PITPNB: variants seen among roughly 807,000 people sequenced by gnomAD.
PITPNB encodes phosphatidylinositol transfer protein beta.
PITPNB carries 16 observed loss-of-function variants against 45.9 expected under a neutral mutation model. The ratio of observed to expected loss-of-function variants is 0.35; its 90% CI spans 0.24 to 0.53. The LOEUF is 0.53. PITPNB is among the 20% of genes least tolerant of loss of function. The pLI is 0.93. For missense variants in PITPNB, 188 were observed against 330.5 expected (o/e 0.57, Z 3.34); for synonymous variants, 112 against 108.9 (o/e 1.03, Z -0.18).
chr22:27,861,022 T>TG (rs1934312839), intron 8 of PITPNB, among the ~76,000 whole-genome samples: 3 of 96,238 alleles, frequency 3.1e-5, no homozygotes, highest in Admixed American at 1.2e-4. Context: ...ACCCCATTTC[T>TG]GGAAAAAAAA....
intron 3 of PITPNB, among the ~76,000 whole-genome samples, chr22:27,907,900 T>C (rs992091382): frequency 3.3e-5 from 5 of 151,868 alleles, no homozygotes; most frequent in African/African-American, 7.3e-5. Context: ...AATGAGTGCA[T>C]GAGAGGGTAA....
At chr22:27,871,998 A>G (rs1026587338) in intron 8 of PITPNB, among the ~76,000 whole-genome samples, 1 of 150,504 alleles carries the variant, frequency 6.6e-6, no homozygotes, top group African/African-American at 2.4e-5. Flanking sequence ...CCATGACTGT[A>G]AGCTTTCTGA....
At chr22:27,879,639 T>G (rs377470820) in intron 7 of PITPNB, among the ~76,000 whole-genome samples, 9 of 152,248 alleles carry the variant, frequency 5.9e-5, no homozygotes, top group African/African-American at 2.2e-4. Context: ...GAAATGAGTT[T>G]TAACAAGTTA....
intron 10 of PITPNB, among the ~76,000 whole-genome samples, chr22:27,856,863 AG>A (rs1474120899): frequency 6.6e-6 from 1 of 152,190 alleles, no homozygotes. Context: ...AAACCAGACA[AG>A]GCAAATGGGA....
At chr22:27,859,836 T>A (rs925500941) in intron 9 of PITPNB, among the ~76,000 whole-genome samples, 1 of 152,180 alleles carries the variant, frequency 6.6e-6, no homozygotes, top group African/African-American at 2.4e-5. Context: ...CAGGTCCTCT[T>A]GGGGACGTGC....
At chr22:27,894,216 T>TA (rs1302468056) in intron 7 of PITPNB, 2 of 177,788 alleles carry the variant, frequency 1.1e-5, no homozygotes, top group African/African-American at 4.7e-5. Context: ...ATTTGAAAAG[T>TA]AAAAGGGACC....
intron 3 of PITPNB, 24 bp from the exon 4 acceptor site, chr22:27,897,916 A>T: frequency 1.4e-6 from 2 of 1,457,874 alleles, no homozygotes; most frequent in Non-Finnish European, 1.9e-6. Flanking sequence ...GATACTGGAT[A>T]TATTTAACAG....
intron 2 of PITPNB, 106 bp downstream of exon 2, chr22:27,914,211 G>T (rs1936013249): frequency 1.4e-6 from 1 of 724,344 alleles, no homozygotes; most frequent in Non-Finnish European, 2.5e-6. Context: ...GTCACATAAG[G>T]TGGAATGAAA....
chr22:27,860,275 A>C, intron 8 of PITPNB, 34 bp from the exon 9 acceptor site: 1 of 1,270,402 alleles, frequency 7.9e-7, no homozygotes, highest in Non-Finnish European at 1.1e-6. Flanking sequence ...AGAAATTATG[A>C]CTTAAATATT....
At chr22:27,904,716 T>C (rs944166503) in intron 3 of PITPNB, among the ~76,000 whole-genome samples, 1 of 152,036 alleles carries the variant, frequency 6.6e-6, no homozygotes, top group Admixed American at 6.5e-5. Flanking sequence ...GAAGGTAACT[T>C]TGATTGATTA....
intron 8 of PITPNB, among the ~76,000 whole-genome samples, chr22:27,860,830 G>C (rs1200414589): frequency 6.6e-6 from 1 of 152,142 alleles, no homozygotes; most frequent in African/African-American, 2.4e-5. Flanking sequence ...AGTTTAAATA[G>C]TGTAGTCAGG....
At chr22:27,879,395 C>G (rs1934906666) in intron 7 of PITPNB, among the ~76,000 whole-genome samples, 1 of 152,202 alleles carries the variant, frequency 6.6e-6, no homozygotes. Context: ...CCCAATGGAG[C>G]AAGCTCTTGA....
chr22:27,873,324 C>A (rs562593168), intron 8 of PITPNB, among the ~76,000 whole-genome samples: 1 of 152,146 alleles, frequency 6.6e-6, no homozygotes, highest in African/African-American at 2.4e-5. Context: ...TCGTGTCCTG[C>A]TTTCCAAAAA....
intron 8 of PITPNB, among the ~76,000 whole-genome samples, chr22:27,861,998 T>A (rs1934349111): frequency 6.6e-6 from 1 of 152,152 alleles, no homozygotes; most frequent in Non-Finnish European, 1.5e-5. Flanking sequence ...ACTAAATCAC[T>A]GAGTCAAAGG....
intron 7 of PITPNB, among the ~76,000 whole-genome samples, chr22:27,883,429 T>G (rs2146381063): frequency 6.6e-6 from 1 of 152,326 alleles, no homozygotes; most frequent in South Asian, 2.1e-4. Flanking sequence ...GCTTCCAAAA[T>G]CCTAGAAGGG....
At chr22:27,901,682 G>A (rs1183857735) in intron 3 of PITPNB, among the ~76,000 whole-genome samples, 6 of 152,032 alleles carry the variant, frequency 3.9e-5, no homozygotes, top group Non-Finnish European at 7.4e-5. Context: ...TTGGGAGTTC[G>A]AGACCAGCCT....
chr22:27,864,962 A>G (rs911847119), intron 8 of PITPNB, among the ~76,000 whole-genome samples: 1 of 152,174 alleles, frequency 6.6e-6, no homozygotes, highest in Non-Finnish European at 1.5e-5. Context: ...AAAGAAAAAA[A>G]AAGAAAAAAA....
At chr22:27,870,614 T>C (rs1156302637) in intron 8 of PITPNB, among the ~76,000 whole-genome samples, 1 of 152,212 alleles carries the variant, frequency 6.6e-6, no homozygotes, top group Admixed American at 6.5e-5. Context: ...GCCATAATTA[T>C]CATGTTTGTT....
In PITPNB at chr22:27,885,212, TAAAAAAAAAAAAAAAAAAAAAAAAA is replaced by T. The variant is rs71194746; in HGVS notation, c.456+9318_456+9342del. Among the ~76,000 whole-genome samples the T allele has an allele frequency of 5.0e-4, 15 of 30,234 alleles. No individual in the cohort carries two copies. The East Asian group carries it at 6.1e-3, about 12-fold the overall frequency. 19.8% of individuals were successfully genotyped at this position (30,234 alleles called of 152,430 possible). A position where few individuals can be genotyped will look rare whatever the true frequency, so the allele number is the denominator to read the frequency against. ...AAAGAGCCAGATTCAAATTTATACC[TAAAAAAAAAAAAAAAAAAAAAAAAA>T]AAAAAAAAAAAAAAAGCAGAAGCAG... is the stretch of plus-strand genomic sequence containing the variant. On this transcript the variant is annotated intron_variant, in intron 7 of 11. Coordinates refer to ENST00000335272, the MANE Select transcript of PITPNB (RefSeq NM_012399.5).
Sources: allele counts gnomAD v4.1 joint callset (sites outside exome capture counted in the v4.1 genomes callset), GRCh38; gene constraint gnomAD v4.1.1; transcripts MANE v1.5; gene names NCBI Gene and HGNC (gene_info 2026-07-23, HGNC 2026-07-21).